Variants in IFTAP observed in about 807,000 individuals in gnomAD.
The protein encoded by IFTAP is intraflagellar transport-associated protein.
IFTAP carries 19 observed loss-of-function variants against 19.4 expected under a neutral mutation model. The observed-to-expected ratio is 0.98, with a 90% CI of 0.68 to 1.44. The LOEUF (loss-of-function observed/expected upper bound fraction) is 1.44, where lower values mean the gene tolerates loss of function less well. IFTAP is among the 40% of genes most tolerant of loss of function. IFTAP has a pLI of 0.00. For missense variants in IFTAP, 240 were observed against 253.6 expected, an observed-to-expected ratio of 0.95 and a Z score of 0.36; for synonymous variants, 85 against 83.5, an observed-to-expected ratio of 1.02 and a Z score of -0.10.
chr11:36,606,990 A>G (rs530731134), intron 1 of IFTAP, among the ~76,000 whole-genome samples: 6,210 of 152,282 alleles, frequency 0.041, 409 homozygotes, highest in African/African-American at 0.14. Flanking sequence ...AGCCATAACC[A>G]GTGCTTTTTC....
chr11:36,654,332 T>C (rs1853878545), intron 5 of IFTAP, among the ~76,000 whole-genome samples: 2 of 152,018 alleles, frequency 1.3e-5, no homozygotes, highest in African/African-American at 4.8e-5. Flanking sequence ...TATTTTATTT[T>C]ATTTTATTTT....
chr11:36,651,231 T>C (rs1853710578), intron 5 of IFTAP, among the ~76,000 whole-genome samples: 1 of 152,182 alleles, frequency 6.6e-6, no homozygotes, highest in African/African-American at 2.4e-5. Flanking sequence ...TTTCCTGACT[T>C]TTTAATGATC....
intron 5 of IFTAP, among the ~76,000 whole-genome samples, chr11:36,657,693 T>C (rs1413707335): frequency 6.6e-6 from 1 of 152,152 alleles, no homozygotes; most frequent in African/African-American, 2.4e-5. Context: ...TACTTAACCT[T>C]TCAGAGCTTT....
intron 4 of IFTAP, among the ~76,000 whole-genome samples, chr11:36,646,214 T>A (rs1051697465): frequency 2.6e-5 from 4 of 152,146 alleles, no homozygotes; most frequent in African/African-American, 4.8e-5. Context: ...GAATGATGAT[T>A]TTAAATAGCG....
intron 5 of IFTAP, among the ~76,000 whole-genome samples, chr11:36,656,275 A>G (rs1005426486): frequency 3.9e-5 from 6 of 152,176 alleles, no homozygotes; most frequent in African/African-American, 7.2e-5. Flanking sequence ...GCAAAACTCA[A>G]TCAAGAGTAA....
At chr11:36,614,704 G>A (rs1405143405) in intron 2 of IFTAP, among the ~76,000 whole-genome samples, 1 of 148,162 alleles carries the variant, frequency 6.7e-6, no homozygotes, top group Non-Finnish European at 1.5e-5. Flanking sequence ...TTTTTTGGCT[G>A]CATAAATGTC....
chr11:36,618,447 C>T (rs1351167526), intron 2 of IFTAP, among the ~76,000 whole-genome samples: 3 of 151,994 alleles, frequency 2.0e-5, no homozygotes, highest in Non-Finnish European at 4.4e-5. Context: ...ATACACTTAC[C>T]CTGTCTTCTC....
chr11:36,642,391 G>A (rs1455575997), intron 4 of IFTAP, among the ~76,000 whole-genome samples: 2 of 152,112 alleles, frequency 1.3e-5, no homozygotes, highest in African/African-American at 4.8e-5. Context: ...AAAAAGCCCA[G>A]GACCAGACAG....
chr11:36,627,727 G>T (rs1852567763), intron 2 of IFTAP, among the ~76,000 whole-genome samples: 1 of 151,036 alleles, frequency 6.6e-6, no homozygotes, highest in African/African-American at 2.5e-5. Flanking sequence ...AAGTTAGTTG[G>T]GAAGGTAAGC....
intron 2 of IFTAP, among the ~76,000 whole-genome samples, chr11:36,619,285 G>A (rs940891656): frequency 6.6e-5 from 10 of 151,876 alleles, no homozygotes; most frequent in African/African-American, 2.4e-4. Context: ...AAATGAAACC[G>A]GTGACAGCAC....
chr11:36,601,562 T>A (rs1317218246), intron 1 of IFTAP, among the ~76,000 whole-genome samples: 1 of 152,188 alleles, frequency 6.6e-6, no homozygotes, highest in Non-Finnish European at 1.5e-5. Context: ...GCTAGAAAAA[T>A]GTTCTTGCTA....
intron 5 of IFTAP, among the ~76,000 whole-genome samples, chr11:36,656,881 C>T (rs1340780284): frequency 1.3e-5 from 2 of 152,068 alleles, no homozygotes; most frequent in East Asian, 1.9e-4. Context: ...GATTTTAACA[C>T]AGCAAACGGA....
chr11:36,655,995 A>G (rs73439925), intron 5 of IFTAP, among the ~76,000 whole-genome samples: 12,947 of 152,212 alleles, frequency 0.085, 639 homozygotes, highest in African/African-American at 0.11. Flanking sequence ...GGAAAATAAG[A>G]TGTTTCTATT....
rs181050953 is a variant in IFTAP at position 36,643,070 on chromosome 11, C to T, written c.359-4946C>T. ...TTAGGAAAAGAGGAAGTCAAATTGT[C>T]CCTGTTTGCAGATGATATGATTGTA... On this transcript the variant is annotated intron_variant, in intron 4 of 5. Transcript: ENST00000334307. Among the ~76,000 whole-genome samples the T allele has an allele frequency of 2.0e-3, 304 of 152,294 alleles. 1 individual carries two copies. Among genetic ancestry groups the T allele is most frequent in the Middle Eastern group, 6.8e-3 (2 of 294 alleles).
intron 2 of IFTAP, among the ~76,000 whole-genome samples, chr11:36,614,524 C>T (rs1277096278): frequency 2.0e-5 from 3 of 148,780 alleles, no homozygotes; most frequent in African/African-American, 7.6e-5. Context: ...AACTAGTTTA[C>T]AGTCCCACCA....
At chr11:36,639,562 G>A (rs1411527757) in intron 4 of IFTAP, among the ~76,000 whole-genome samples, 1 of 152,182 alleles carries the variant, frequency 6.6e-6, no homozygotes, top group East Asian at 1.9e-4. Flanking sequence ...AGCCAAAGGG[G>A]AACCACATGT....
chr11:36,647,187 T>G (rs1240124102), intron 4 of IFTAP, among the ~76,000 whole-genome samples: 1 of 152,106 alleles, frequency 6.6e-6, no homozygotes, highest in Non-Finnish European at 1.5e-5. Flanking sequence ...CTTTGAGAAG[T>G]AGGCAGCATC....
chr11:36,635,982 G>A (rs1371789002), intron 3 of IFTAP, 69 bp from the exon 4 acceptor site: 15 of 1,035,854 alleles, frequency 1.4e-5, no homozygotes, highest in South Asian at 3.9e-5. Flanking sequence ...AAGTGGATTC[G>A]TTGACTTTTC....
intron 5 of IFTAP, among the ~76,000 whole-genome samples, chr11:36,657,423 T>C (rs150728761): frequency 4.5e-4 from 69 of 152,308 alleles, no homozygotes; most frequent in African/African-American, 1.6e-3. Flanking sequence ...GCTGATTTGC[T>C]TTTTGTGTAC....
Sources: gnomAD v4.1 joint callset for allele counts (sites outside exome capture counted in the v4.1 genomes callset) on GRCh38, gnomAD v4.1.1 for gene constraint, MANE v1.5 for transcripts, NCBI Gene and HGNC (gene_info 2026-07-23, HGNC 2026-07-21) for gene names.